MYO9A: variants seen among roughly 807,000 people sequenced by gnomAD.
MYO9A encodes the protein unconventional myosin-IXa.
MYO9A carries 103 observed loss-of-function variants against 293.3 expected under a neutral mutation model. The observed-to-expected ratio is 0.35, with a 90% CI of 0.30 to 0.41. MYO9A has a LOEUF of 0.41. Ranked by LOEUF, MYO9A falls within the 10% of genes least tolerant of loss-of-function variation. The pLI, the probability that MYO9A is intolerant of heterozygous loss-of-function variation, is 1.00. For synonymous variants in MYO9A, 1,001 were observed against 1,035.7 expected (o/e 0.97, Z 0.64); for missense variants, 2,685 against 3,033.0 (o/e 0.89, Z 2.69).
intron 1 of MYO9A, among the ~76,000 whole-genome samples, chr15:72,052,137 T>C (rs1023758385): frequency 6.7e-6 from 1 of 150,352 alleles, no homozygotes. Flanking sequence ...CTGCCGGGAG[T>C]TGAGAAGATG....
chr15:71,852,447 T>C, intron 35 of MYO9A, 187 bp from the exon 36 acceptor site: 1 of 390,472 alleles, frequency 2.6e-6, no homozygotes, highest in South Asian at 4.4e-5. Context: ...CACCACAACC[T>C]CTGCCTCCCG....
chr15:72,012,793 T>TC (rs1318289142), intron 6 of MYO9A, among the ~76,000 whole-genome samples: 1 of 152,186 alleles, frequency 6.6e-6, no homozygotes, highest in Non-Finnish European at 1.5e-5. Context: ...ATGATTCTTC[T>TC]AACTAACAGT....
At chr15:72,041,836 T>C (rs1382234837) in intron 2 of MYO9A, among the ~76,000 whole-genome samples, 1 of 151,716 alleles carries the variant, frequency 6.6e-6, no homozygotes, top group Non-Finnish European at 1.5e-5. Flanking sequence ...ATAACTTAGA[T>C]TAAGCAAGTT....
At chr15:72,048,793 G>C (rs1254401214) in intron 1 of MYO9A, among the ~76,000 whole-genome samples, 1 of 152,162 alleles carries the variant, frequency 6.6e-6, no homozygotes, top group Non-Finnish European at 1.5e-5. Context: ...TGACTTTACA[G>C]ATTAATATTG....
At chr15:71,888,793 T>G (rs2057093232) in intron 26 of MYO9A, among the ~76,000 whole-genome samples, 1 of 152,202 alleles carries the variant, frequency 6.6e-6, no homozygotes, top group Non-Finnish European at 1.5e-5. Context: ...TTTCTGTAGT[T>G]ATAATATTCT....
intron 1 of MYO9A, among the ~76,000 whole-genome samples, chr15:72,085,370 C>T (rs564015543): frequency 6.8e-4 from 100 of 147,252 alleles, no homozygotes; most frequent in Non-Finnish European, 9.5e-4. Flanking sequence ...TCCAGCCTGG[C>T]GACAGAGTGA....
At position 72,000,602 on chromosome 15, in the gene MYO9A, C is replaced by T. The variant is rs577311140; in HGVS notation, c.1381-662G>A. Among the ~76,000 whole-genome samples, 5 of 152,164 alleles carry T rather than the reference C, an allele frequency of 3.3e-5. No individual in the cohort carries two copies. In the East Asian group the frequency reaches 9.6e-4, roughly 29 times the overall value. On this transcript the variant is annotated intron_variant, in intron 8 of 41. Coordinates refer to ENST00000356056, the MANE Select transcript of MYO9A (RefSeq NM_006901.4). Reference sequence around the variant, plus strand: ...TGTTTATCTATAAAGTACCATATTGCCCATATGTTCTTCAGATCTAACTAT... The same window carrying T: ...TGTTTATCTATAAAGTACCATATTGTCCATATGTTCTTCAGATCTAACTAT...
In MYO9A at chr15:71,987,515, T is replaced by A. The variant is rs540446296; in HGVS notation, c.1722+3588A>T. ...TGAGCTTCAGCTCACTATTTGAAAT[T>A]ATATGCCAGAATCAACCCTGGAAAA... On this transcript the variant is annotated intron_variant, in intron 11 of 41. Coordinates refer to ENST00000356056, the MANE Select transcript of MYO9A (RefSeq NM_006901.4). Among the ~76,000 whole-genome samples the A allele has an allele frequency of 9.3e-4, 141 of 152,344 alleles. 1 individual carries two copies. Among genetic ancestry groups the A allele is most frequent in the South Asian group, 5.4e-3 (26 of 4,828 alleles).
intron 5 of MYO9A, among the ~76,000 whole-genome samples, chr15:72,019,933 G>C (rs774527618): frequency 1.3e-5 from 2 of 151,964 alleles, no homozygotes; most frequent in Admixed American, 1.3e-4. Context: ...TGTGTTTTTA[G>C]CAGAGACAAG....
chr15:72,023,460 A>G (rs4776584), intron 4 of MYO9A, among the ~76,000 whole-genome samples: 30,596 of 151,970 alleles, frequency 0.2, 3,293 homozygotes, highest in East Asian at 0.41. Context: ...TGGGAGGCAG[A>G]GGTGGGTGGA....
chr15:72,013,457 C>T (rs1353167882), intron 6 of MYO9A, among the ~76,000 whole-genome samples: 1 of 152,188 alleles, frequency 6.6e-6, no homozygotes, highest in African/African-American at 2.4e-5. Flanking sequence ...TGGTAAGGTT[C>T]GTTCCAAGGA....
intron 38 of MYO9A, 65 bp downstream of exon 38, chr15:71,849,971 G>A: frequency 1.7e-6 from 2 of 1,167,824 alleles, no homozygotes; most frequent in Non-Finnish European, 2.4e-6. Context: ...TTTGATATCT[G>A]GATACAGTGA....
At chr15:72,080,064 T>C (rs1182017840) in intron 1 of MYO9A, among the ~76,000 whole-genome samples, 3 of 152,216 alleles carry the variant, frequency 2.0e-5, no homozygotes, top group Admixed American at 6.5e-5. Context: ...ACAAAGACTG[T>C]ATTTCCATTG....
intron 28 of MYO9A, among the ~76,000 whole-genome samples, chr15:71,881,270 G>A (rs1307632399): frequency 6.6e-6 from 1 of 151,944 alleles, no homozygotes; most frequent in Admixed American, 6.6e-5. Flanking sequence ...GACCAGATTT[G>A]CCAAACCCTA....
At chr15:72,033,404 G>A (rs1048543110) in intron 2 of MYO9A, among the ~76,000 whole-genome samples, 20 of 152,040 alleles carry the variant, frequency 1.3e-4, no homozygotes, top group Admixed American at 1.3e-3. Context: ...CAAAGCTAGA[G>A]TACTCATTAC....
At chr15:72,109,207 C>T (rs947019745) in intron 1 of MYO9A, among the ~76,000 whole-genome samples, 6 of 151,834 alleles carry the variant, frequency 4.0e-5, no homozygotes, top group Admixed American at 2.6e-4. Context: ...TGACTAACAC[C>T]GTGAAACGCC....
intron 1 of MYO9A, among the ~76,000 whole-genome samples, chr15:72,049,690 G>A (rs1037664347): frequency 1.3e-5 from 2 of 152,232 alleles, no homozygotes; most frequent in South Asian, 4.1e-4. Context: ...ATTGTGAACT[G>A]CATATGCAAG....
intron 14 of MYO9A, among the ~76,000 whole-genome samples, chr15:71,953,863 A>G (rs2059115094): frequency 6.8e-6 from 1 of 146,562 alleles, no homozygotes; most frequent in Admixed American, 6.9e-5. Context: ...GAGGAGTCTC[A>G]TCAACTGTTT....
chr15:72,089,166 T>C (rs2079830341), intron 1 of MYO9A, among the ~76,000 whole-genome samples: 1 of 152,050 alleles, frequency 6.6e-6, no homozygotes, highest in African/African-American at 2.4e-5. Context: ...TGGTTTTTGT[T>C]TTTGTTTTTG....
Sources: gnomAD v4.1 joint callset for allele counts (sites outside exome capture counted in the v4.1 genomes callset) on GRCh38, gnomAD v4.1.1 for gene constraint, MANE v1.5 for transcripts, NCBI Gene and HGNC (gene_info 2026-07-23, HGNC 2026-07-21) for gene names.